WWC1: variants seen among roughly 807,000 people sequenced by gnomAD.
WWC1 encodes WW and C2 domain containing 1.
In WWC1, 55 loss-of-function variants were observed where a neutral mutation model predicts 138.4. The ratio of observed to expected loss-of-function variants is 0.40; its 90% CI spans 0.32 to 0.50. WWC1 has a LOEUF of 0.50. Ranked by LOEUF, WWC1 falls within the 20% of genes least tolerant of loss-of-function variation. WWC1 has a pLI of 0.72. For missense variants in WWC1, 1,226 were observed against 1,420.4 expected, an observed-to-expected ratio of 0.86 and a Z score of 2.20; for synonymous variants, 524 against 564.9, an observed-to-expected ratio of 0.93 and a Z score of 1.03.
At chr5:168,364,305 T>C (rs1776116476) in intron 1 of WWC1, among the ~76,000 whole-genome samples, 1 of 152,106 alleles carries the variant, frequency 6.6e-6, no homozygotes, top group Non-Finnish European at 1.5e-5. Context: ...AGCTCTTTCC[T>C]CCTCCCCTCC....
intron 9 of WWC1, among the ~76,000 whole-genome samples, chr5:168,420,568 C>T (rs1266005030): frequency 1.3e-5 from 2 of 151,896 alleles, no homozygotes; most frequent in African/African-American, 4.8e-5. Context: ...CTGATAGGGA[C>T]CCCCCCGCCC....
intron 17 of WWC1, among the ~76,000 whole-genome samples, chr5:168,447,266 TTA>T (rs2152877377): frequency 6.6e-6 from 1 of 152,326 alleles, no homozygotes; most frequent in East Asian, 1.9e-4. Flanking sequence ...GAGCCTCAAA[TTA>T]TATATTTAGT....
chr5:168,312,004 G>A (rs1328019924), intron 1 of WWC1, among the ~76,000 whole-genome samples: 5 of 151,404 alleles, frequency 3.3e-5, no homozygotes, highest in African/African-American at 4.9e-5. Context: ...AGCTGAGATC[G>A]TGCCACTGCA....
intron 1 of WWC1, among the ~76,000 whole-genome samples, chr5:168,335,618 T>C (rs759600734): frequency 1.3e-5 from 2 of 152,222 alleles, no homozygotes; most frequent in Non-Finnish European, 2.9e-5. Flanking sequence ...GATCTGCCTA[T>C]AGTCACACAG....
chr5:168,304,829 T>A (rs1165854440), intron 1 of WWC1, among the ~76,000 whole-genome samples: 2 of 128,640 alleles, frequency 1.6e-5, no homozygotes, highest in African/African-American at 6.6e-5. Context: ...GCTTATGAAC[T>A]TTTTTTTTTT....
chr5:168,436,976 T>C (rs1185533002), intron 15 of WWC1, among the ~76,000 whole-genome samples: 1 of 152,184 alleles, frequency 6.6e-6, no homozygotes, highest in Non-Finnish European at 1.5e-5. Flanking sequence ...AACACCTGTG[T>C]CCTTTGCCTG....
intron 1 of WWC1, among the ~76,000 whole-genome samples, chr5:168,346,518 T>C (rs1327681927): frequency 1.3e-5 from 2 of 152,182 alleles, no homozygotes; most frequent in East Asian, 3.9e-4. Context: ...AGAAACACAG[T>C]GCCTGACACA....
At chr5:168,350,722 G>T (rs756073901) in intron 1 of WWC1, among the ~76,000 whole-genome samples, 1 of 152,190 alleles carries the variant, frequency 6.6e-6, no homozygotes, top group African/African-American at 2.4e-5. Context: ...GCTCAACTAT[G>T]TGCTTAATAA....
intron 1 of WWC1, among the ~76,000 whole-genome samples, chr5:168,335,020 A>G (rs1239744366): frequency 6.6e-6 from 1 of 151,666 alleles, no homozygotes; most frequent in African/African-American, 2.4e-5. Flanking sequence ...TTGAAGTTCT[A>G]GCCTTGATTT....
chr5:168,418,850 G>T (rs1582228563), intron 9 of WWC1, among the ~76,000 whole-genome samples: 1 of 120,542 alleles, frequency 8.3e-6, no homozygotes, highest in African/African-American at 3.3e-5. Flanking sequence ...TCATTGTGTT[G>T]AAAGTCAAGG....
In WWC1 at chr5:168,292,093, C is replaced by A. The variant is rs1769091896; in HGVS notation, c.-60C>A. 8 of 1,456,814 alleles carry A rather than the reference C, an allele frequency of 5.5e-6. No individual in the cohort carries two copies. Among genetic ancestry groups the A allele is most frequent in the Non-Finnish European group, 7.2e-6 (8 of 1,107,726 alleles). 90.2% of individuals were successfully genotyped at this position (1,456,814 alleles called of 1,614,324 possible). ...CCGGGCTAAGAGCGGCCGGCTGGAG[C>A]CGCTGAGCCCCCGCTGCGGCCGGGA... On this transcript the variant is annotated 5_prime_UTR_variant, in exon 1 of 23. Coordinates refer to ENST00000265293, the MANE Select transcript of WWC1 (RefSeq NM_015238.3). This position sits in a 1 kb window ranked among gnomAD's most constrained non-coding sequence, Gnocchi z 4.4.
intron 15 of WWC1, among the ~76,000 whole-genome samples, chr5:168,432,124 G>A (rs1446194446): frequency 6.6e-6 from 1 of 151,354 alleles, no homozygotes; most frequent in Non-Finnish European, 1.5e-5. Flanking sequence ...ACCACTTGCT[G>A]TATAGCTGGA....
chr5:168,453,895 G>C, intron 17 of WWC1, 73 bp from the exon 18 acceptor site: 1 of 1,593,668 alleles, frequency 6.3e-7, no homozygotes, highest in Non-Finnish European at 8.5e-7. Flanking sequence ...GCCCTACCTT[G>C]GGTGTATTAA....
chr5:168,338,726 G>C (rs1256895494), intron 1 of WWC1, among the ~76,000 whole-genome samples: 1 of 152,086 alleles, frequency 6.6e-6, no homozygotes, highest in Non-Finnish European at 1.5e-5. Flanking sequence ...GAATCAGAAG[G>C]GATTTTTCCT....
intron 1 of WWC1, among the ~76,000 whole-genome samples, chr5:168,303,855 G>T (rs1489176791): frequency 6.6e-6 from 1 of 152,098 alleles, no homozygotes. Flanking sequence ...TCCAGGAAGT[G>T]CAGGGAGGTG....
intron 1 of WWC1, among the ~76,000 whole-genome samples, chr5:168,333,697 C>A (rs549981574): frequency 2.6e-5 from 4 of 152,106 alleles, no homozygotes; most frequent in Non-Finnish European, 5.9e-5. Context: ...CACATCCCCC[C>A]GCCCAGGCTT....
At chr5:168,301,315 G>A (rs1770048622) in intron 1 of WWC1, among the ~76,000 whole-genome samples, 1 of 152,174 alleles carries the variant, frequency 6.6e-6, no homozygotes, top group African/African-American at 2.4e-5. Context: ...AGAGGACACT[G>A]AGTCAAGTCT....
intron 1 of WWC1, among the ~76,000 whole-genome samples, chr5:168,297,195 G>A (rs1296653589): frequency 6.6e-6 from 1 of 152,250 alleles, no homozygotes; most frequent in African/African-American, 2.4e-5. Context: ...GGGACACTGA[G>A]GAATGCCAGT....
Position 168,427,998 on chromosome 5 carries a change from G to C in WWC1, c.1811-35G>C, listed in dbSNP as rs369435739. The C allele has an allele frequency of 7.5e-6, 12 of 1,590,678 alleles. No homozygotes were observed. The African/African-American group carries it at 1.5e-4, about 20-fold the overall frequency. ...TGGGAGTCGCAAAGGCAGTTTCCTG[G>C]TTCCTGAACCTGCCTTTCCATTTTC... On this transcript the variant is annotated intron_variant, in intron 11 of 22. Transcript: ENST00000265293.
Sources: allele counts gnomAD v4.1 joint callset (sites outside exome capture counted in the v4.1 genomes callset), GRCh38; gene constraint gnomAD v4.1.1; non-coding constraint Gnocchi (gnomAD v3.1); transcripts MANE v1.5; gene names NCBI Gene and HGNC (gene_info 2026-07-23, HGNC 2026-07-21).